MYO9B: variants seen among roughly 807,000 people sequenced by gnomAD.
The protein encoded by MYO9B is myosin IXB.
MYO9B carries 71 observed loss-of-function variants against 229.5 expected under a neutral mutation model. The observed-to-expected ratio is 0.31, with a 90% CI of 0.26 to 0.38. The LOEUF (loss-of-function observed/expected upper bound fraction) is 0.38, where lower values mean the gene tolerates loss of function less well. Among genes scored for constraint, MYO9B ranks in the 10% least tolerant of loss-of-function variants. The pLI, the probability that MYO9B is intolerant of heterozygous loss-of-function variation, is 1.00. For missense variants in MYO9B, 2,255 were observed against 2,920.5 expected (o/e 0.77, Z 5.25); for synonymous variants, 1,185 against 1,235.8 (o/e 0.96, Z 0.86).
In MYO9B at chr19:17,195,071, A is replaced by G. The variant is rs2073026794; in HGVS notation, c.3644A>G (p.Gln1215Arg). The change falls in exon 22 of 40, where the codon CAA (glutamine) becomes CGA (arginine). Residue 1215 changes from glutamine to arginine, a missense_variant. Coordinates refer to ENST00000682292, the MANE Select transcript of MYO9B (RefSeq NM_004145.4). The surrounding 1 kb of genome is among the most constrained non-coding windows in gnomAD (Gnocchi z 4.5). ...VVETEAENTS[Q>R]KQPTEQPQAM... ...GAGACGGAGGCTGAGAACACATCTC[A>G]AAAGCAGCCCACAGAGCAACCCCAG... 1 of 1,612,942 alleles carries G rather than the reference A, an allele frequency of 6.2e-7. No individual in the cohort carries two copies. Among genetic ancestry groups the G allele is most frequent in the East Asian group, 2.2e-5 (1 of 44,876 alleles).
chr19:17,082,814 C>G (rs2057545447), intron 1 of MYO9B, among the ~76,000 whole-genome samples: 1 of 151,962 alleles, frequency 6.6e-6, no homozygotes, highest in Admixed American at 6.6e-5. Context: ...GGAGTCAGGC[C>G]CATGATTTAG....
At chr19:17,210,600 A>G in intron 37 of MYO9B, 115 bp from the exon 38 acceptor site, 1 of 1,350,978 alleles carries the variant, frequency 7.4e-7, no homozygotes, top group Non-Finnish European at 9.9e-7. Flanking sequence ...GAGAAGTCTC[A>G]CTAAGAGCCC....
At chr19:17,114,850 G>T (rs189303281) in intron 2 of MYO9B, among the ~76,000 whole-genome samples, 1 of 151,348 alleles carries the variant, frequency 6.6e-6, no homozygotes, top group Admixed American at 6.6e-5. Context: ...AGGATCAGCG[G>T]CCAGAGATTC....
Position 17,195,608 on chromosome 19 carries a change from A to G in MYO9B, c.4046+135A>G. ...TGTGCGGGAGGCCTGAGGGAGGAGG[A>G]CGAGCAGGACATGCTAAAGACCAAG... On this transcript the variant is annotated intron_variant, in intron 22 of 39. Transcript: ENST00000682292. This position sits in a 1 kb window ranked among gnomAD's most constrained non-coding sequence, Gnocchi z 4.5. 1 of 1,162,268 alleles carries G rather than the reference A, an allele frequency of 8.6e-7. No individual in the cohort carries two copies. Among genetic ancestry groups the G allele is most frequent in the Non-Finnish European group, 1.2e-6 (1 of 833,212 alleles). 72.0% of individuals were successfully genotyped at this position (1,162,268 alleles called of 1,614,324 possible). A position where few individuals can be genotyped will look rare whatever the true frequency, so the allele number is the denominator to read the frequency against.
In MYO9B at chr19:17,210,859, C is replaced by T. The variant is rs751601486; in HGVS notation, c.5930+11C>T. 2.5e-6 allele frequency: 4 copies of T among 1,591,674 alleles called. No homozygotes were observed. In the South Asian group the frequency reaches 3.4e-5, roughly 14 times the overall value. On this transcript the variant is annotated intron_variant, in intron 38 of 39. Transcript: ENST00000682292. ...CATCAAGGAGGAGAAGCAAGTGGCT[C>T]AGTCCCCTCCCTCAGTCCTTCATGT...
At chr19:17,204,680 CA>C (rs561193898) in intron 30 of MYO9B, among the ~76,000 whole-genome samples, 9 of 150,142 alleles carry the variant, frequency 6.0e-5, no homozygotes, top group African/African-American at 1.7e-4. Context: ...CCCATCTATA[CA>C]AAAAAAAATA....
chr19:17,210,242 C>A, intron 36 of MYO9B, 91 bp from the exon 37 acceptor site: 1 of 1,337,236 alleles, frequency 7.5e-7, no homozygotes, highest in Non-Finnish European at 1.0e-6. Flanking sequence ...CAGGGACCCC[C>A]TATCTTGGTA....
rs1034531500 is a variant in MYO9B, at chr19:17,145,345, A to G, written c.841-52A>G. ...AGTGTAAAATGAGAGGAAAAAAAAG[A>G]AAAAGAAATTCCACCCTCCTGATCT... is the stretch of plus-strand genomic sequence containing the variant. On this transcript the variant is annotated intron_variant, in intron 2 of 39. Transcript: ENST00000682292. 3.4e-6 allele frequency: 5 copies of G among 1,492,482 alleles called. 1 individual carries two copies. The African/African-American group carries it at 7.1e-5, about 21-fold the overall frequency. The allele number at this position is 1,492,482 out of a possible 1,614,324, so 92.5% of individuals were successfully genotyped here.
At chr19:17,099,601 G>A (rs1013463328) in intron 1 of MYO9B, among the ~76,000 whole-genome samples, 1 of 151,954 alleles carries the variant, frequency 6.6e-6, no homozygotes, top group Admixed American at 6.6e-5. Flanking sequence ...GGATCACGAG[G>A]TCAGGAGATA....
At chr19:17,169,883 C>T (rs998081791) in intron 11 of MYO9B, among the ~76,000 whole-genome samples, 1 of 130,694 alleles carries the variant, frequency 7.7e-6, no homozygotes, top group East Asian at 2.5e-4. Flanking sequence ...GTGGCGCCAT[C>T]TTGGCTCAAG....
rs1000968152 is a variant in MYO9B at position 17,152,667 on chromosome 19, T to C, written c.959T>C (p.Leu320Pro). The C allele has an allele frequency of 1.2e-6, 2 of 1,613,490 alleles. No individual in the cohort carries two copies. The highest frequency in any genetic ancestry group is 1.3e-5 in the African/African-American group (1 of 74,944). The change falls in exon 4 of 40, where the codon CTT (leucine) becomes CCT (proline). Residue 320 changes from leucine to proline, a missense_variant. Coordinates refer to ENST00000682292, the MANE Select transcript of MYO9B (RefSeq NM_004145.4). ...VRGAVVEKYL[L>P]EKSRLVSQEK... Reference sequence around the variant, plus strand: ...AGAGCTGTCGTCGAGAAATATCTGCTTGAAAAGTCTCGCCTGGTGTCTCAG... The same window carrying C: ...AGAGCTGTCGTCGAGAAATATCTGCCTGAAAAGTCTCGCCTGGTGTCTCAG...
chr19:17,161,456 A>ATTGCT (rs1167234702), intron 8 of MYO9B, among the ~76,000 whole-genome samples: 1 of 152,078 alleles, frequency 6.6e-6, no homozygotes, highest in Non-Finnish European at 1.5e-5. Context: ...GGGCAGAAGG[A>ATTGCT]TTGCTTGAGC....
chr19:17,211,411 A>G (rs1221918319), intron 38 of MYO9B, among the ~76,000 whole-genome samples: 1 of 152,068 alleles, frequency 6.6e-6, no homozygotes, highest in Non-Finnish European at 1.5e-5. Context: ...AGCCGGAACC[A>G]CAGGTGGTGC....
intron 1 of MYO9B, among the ~76,000 whole-genome samples, chr19:17,092,607 C>A (rs1364290297): frequency 6.6e-6 from 1 of 151,822 alleles, no homozygotes; most frequent in Non-Finnish European, 1.5e-5. Context: ...ACGCCTATAT[C>A]CCAGCTACAT....
At chr19:17,117,376 G>T (rs2057915193) in intron 2 of MYO9B, among the ~76,000 whole-genome samples, 1 of 152,198 alleles carries the variant, frequency 6.6e-6, no homozygotes, top group South Asian at 2.1e-4. Context: ...CAGCAAGCCA[G>T]AACCAGCTCC....
At chr19:17,084,567 C>T (rs951147118) in intron 1 of MYO9B, among the ~76,000 whole-genome samples, 12 of 151,628 alleles carry the variant, frequency 7.9e-5, no homozygotes, top group African/African-American at 2.7e-4. Flanking sequence ...CCCAACAACC[C>T]TTAATATGTC....
chr19:17,134,356 C>CT (rs1265852719), intron 2 of MYO9B, among the ~76,000 whole-genome samples: 6 of 64,586 alleles, frequency 9.3e-5, no homozygotes, highest in Admixed American at 3.4e-4. Context: ...GACAGGATCT[C>CT]TTTGTTTTTT....
chr19:17,203,005 G>A, intron 29 of MYO9B, 122 bp downstream of exon 29: 1 of 1,395,938 alleles, frequency 7.2e-7, no homozygotes, highest in Non-Finnish European at 9.9e-7. Flanking sequence ...GTGGACACGT[G>A]TGAGTGTGTT....
intron 2 of MYO9B, among the ~76,000 whole-genome samples, chr19:17,111,803 C>T (rs922731829): frequency 2.0e-5 from 3 of 152,212 alleles, no homozygotes; most frequent in Non-Finnish European, 4.4e-5. Flanking sequence ...CTCCCAGGCC[C>T]TGGCAGCCAC....
Sources: gnomAD v4.1 joint callset for allele counts (sites outside exome capture counted in the v4.1 genomes callset) on GRCh38, gnomAD v4.1.1 for gene constraint, Gnocchi (gnomAD v3.1) non-coding constraint, MANE v1.5 for transcripts, NCBI Gene and HGNC (gene_info 2026-07-23, HGNC 2026-07-21) for gene names.